Variants in DPP6 observed in about 807,000 individuals in gnomAD.
The protein encoded by DPP6 is dipeptidyl peptidase like 6.
In DPP6, 69 loss-of-function variants were observed where a neutral mutation model predicts 122.6. The observed-to-expected ratio is 0.56, with a 90% CI of 0.46 to 0.69. The LOEUF (loss-of-function observed/expected upper bound fraction) is 0.69, where lower values mean the gene tolerates loss of function less well. Ranked by LOEUF, DPP6 falls within the 30% of genes least tolerant of loss-of-function variation. DPP6 has a pLI of 0.00. For missense variants in DPP6, 928 were observed against 1,116.9 expected (o/e 0.83, Z 2.41); for synonymous variants, 418 against 433.1 (o/e 0.97, Z 0.43).
chr7:154,150,386 C>G (rs756196785), intron 1 of DPP6, among the ~76,000 whole-genome samples: 3 of 152,156 alleles, frequency 2.0e-5, no homozygotes, highest in Admixed American at 2.0e-4. Context: ...CGCCTGCCAA[C>G]CTGCTGACCT....
intron 16 of DPP6, among the ~76,000 whole-genome samples, chr7:154,835,395 C>G (rs1800970052): frequency 6.6e-6 from 1 of 152,170 alleles, no homozygotes; most frequent in Non-Finnish European, 1.5e-5. Flanking sequence ...GTGAGACAAT[C>G]TATTTCTGTT....
intron 1 of DPP6, among the ~76,000 whole-genome samples, chr7:153,940,867 G>T (rs7802426): frequency 0.03 from 4,611 of 152,222 alleles, 228 homozygotes; most frequent in African/African-American, 0.1. Context: ...TCAAGACAAG[G>T]TGTCTGGCCT....
intron 3 of DPP6, among the ~76,000 whole-genome samples, chr7:154,533,144 A>C (rs2130141846): frequency 6.6e-6 from 1 of 152,330 alleles, no homozygotes; most frequent in East Asian, 1.9e-4. Flanking sequence ...ATAAAAATAC[A>C]CAGGTTTCCC....
At chr7:154,645,813 A>G (rs1397940280) in intron 6 of DPP6, among the ~76,000 whole-genome samples, 2 of 151,942 alleles carry the variant, frequency 1.3e-5, no homozygotes, top group African/African-American at 2.4e-5. Flanking sequence ...TGGATCACAA[A>G]GTCAGGAGAT....
At chr7:154,778,947 A>ACCAGCT (rs1239108890) in intron 10 of DPP6, among the ~76,000 whole-genome samples, 5 of 116,958 alleles carry the variant, frequency 4.3e-5, no homozygotes, top group African/African-American at 1.6e-4. Flanking sequence ...AACTTCCACC[A>ACCAGCT]CCAGCTCTAC....
At chr7:154,168,945 A>G (rs1257166847) in intron 1 of DPP6, among the ~76,000 whole-genome samples, 1 of 152,198 alleles carries the variant, frequency 6.6e-6, no homozygotes, top group Non-Finnish European at 1.5e-5. Flanking sequence ...CTGTGCAGCA[A>G]ATGGTAAGAC....
intron 5 of DPP6, among the ~76,000 whole-genome samples, chr7:154,626,383 C>A (rs12719640): frequency 0.42 from 63,584 of 151,966 alleles, 13,864 homozygotes; most frequent in African/African-American, 0.55. Context: ...TAAATGTAAG[C>A]TTTTTATTTT....
chr7:154,217,449 C>T (rs556439530), intron 1 of DPP6, among the ~76,000 whole-genome samples: 1 of 152,112 alleles, frequency 6.6e-6, no homozygotes, highest in East Asian at 1.9e-4. Context: ...AATAACATGT[C>T]TCTGGGATGT....
intron 1 of DPP6, among the ~76,000 whole-genome samples, chr7:154,324,399 C>T (rs991101174): frequency 7.9e-5 from 12 of 152,156 alleles, no homozygotes; most frequent in Admixed American, 6.5e-5. Flanking sequence ...AGGCTGATGC[C>T]GGATGGGTCT....
At chr7:153,776,924 A>G in the DPP6 span, among the ~76,000 whole-genome samples, 6 of 152,238 alleles carry the variant, frequency 3.9e-5, no homozygotes, top group African/African-American at 7.2e-5. Context: ...TTATAATTTT[A>G]AAACTGTTGA....
chr7:154,685,495 C>T (rs1268088923), intron 7 of DPP6, among the ~76,000 whole-genome samples: 1 of 152,296 alleles, frequency 6.6e-6, no homozygotes, highest in Admixed American at 6.5e-5. Flanking sequence ...GATGTACAAC[C>T]ATGTCTGAGC....
chr7:154,486,102 C>G lies in DPP6; in HGVS notation c.457+11065C>G, dbSNP rs1266755358. Among the ~76,000 whole-genome samples, 2 of 151,990 alleles carry G rather than the reference C, an allele frequency of 1.3e-5. No homozygotes were observed. Among genetic ancestry groups the G allele is most frequent in the South Asian group, 2.1e-4 (1 of 4,818 alleles). ...TTCCTGCCTCAGTGTACCTTGCCTC[C>G]CCGGTCTCCTCACCACCCCTACTCA... On this transcript the variant is annotated intron_variant, in intron 3 of 25. Coordinates refer to ENST00000377770, the MANE Select transcript of DPP6 (RefSeq NM_130797.4). This position sits in a 1 kb window ranked among gnomAD's most constrained non-coding sequence, Gnocchi z 4.5.
At chr7:154,533,900 A>T (rs1828037875) in intron 3 of DPP6, among the ~76,000 whole-genome samples, 1 of 152,010 alleles carries the variant, frequency 6.6e-6, no homozygotes, top group African/African-American at 2.4e-5. Context: ...TGGGAGGCTG[A>T]GTTGGGAGGA....
Position 154,472,541 on chromosome 7 carries a change from A to G in DPP6, c.359-2398A>G, listed in dbSNP as rs142314408. On this transcript the variant is annotated intron_variant, in intron 2 of 25. Transcript: ENST00000377770. ...TGTTCCTCTCAGCCCCGTCCCTGCT[A>G]TGTTCTGATCATTCATTCTGCTTTG... is the stretch of plus-strand genomic sequence containing the variant. 6.5e-3 allele frequency among the ~76,000 whole-genome samples: 990 copies of G among 152,282 alleles called. 6 individuals are homozygous for G. The highest frequency in any genetic ancestry group is 0.021 in the African/African-American group (882 of 41,560).
chr7:154,577,135 A>G (rs2130637681), intron 5 of DPP6, among the ~76,000 whole-genome samples: 2 of 152,130 alleles, frequency 1.3e-5, no homozygotes, highest in African/African-American at 4.8e-5. Context: ...GATGACCTGG[A>G]AGACACTCAG....
chr7:154,101,463 A>G (rs1805718809), intron 1 of DPP6, among the ~76,000 whole-genome samples: 1 of 150,872 alleles, frequency 6.6e-6, no homozygotes, highest in Non-Finnish European at 1.5e-5. Context: ...CACAATGGAA[A>G]GAGAAGAGTG....
intron 1 of DPP6, among the ~76,000 whole-genome samples, chr7:154,207,077 G>A (rs1469533601): frequency 3.3e-5 from 5 of 152,178 alleles, no homozygotes; most frequent in Non-Finnish European, 5.9e-5. Flanking sequence ...ATCCAGATTC[G>A]AAGAATTTGA....
intron 1 of DPP6, among the ~76,000 whole-genome samples, chr7:154,323,488 T>C (rs1219558597): frequency 6.6e-6 from 1 of 152,214 alleles, no homozygotes; most frequent in African/African-American, 2.4e-5. Context: ...TTCGTCAAGC[T>C]CTCCACAAAA....
intron 1 of DPP6, among the ~76,000 whole-genome samples, chr7:154,084,532 ATGGT>A: frequency 1.3e-5 from 1 of 75,438 alleles, no homozygotes; most frequent in Non-Finnish European, 2.4e-5. Flanking sequence ...TTCTGTTTTA[ATGGT>A]ACATGGAGAG....
Sources: gnomAD v4.1 joint callset for allele counts (sites outside exome capture counted in the v4.1 genomes callset) on GRCh38, gnomAD v4.1.1 for gene constraint, Gnocchi (gnomAD v3.1) non-coding constraint, MANE v1.5 for transcripts, NCBI Gene and HGNC (gene_info 2026-07-23, HGNC 2026-07-21) for gene names.